Variants in PRTG observed in about 807,000 individuals in gnomAD.
PRTG encodes the protein immunoglobulin superfamily, DCC subclass, member 5.
A neutral mutation model predicts 122.5 loss-of-function variants in PRTG; 67 were observed. The observed-to-expected ratio is 0.55, with a 90% CI of 0.45 to 0.67. The LOEUF (loss-of-function observed/expected upper bound fraction) is 0.67. Among genes scored for constraint, PRTG ranks in the 30% least tolerant of loss-of-function variants. The probability of loss-of-function intolerance (pLI) is 0.00; values close to 1 mark genes in which losing one functional copy is unlikely to be tolerated. For synonymous variants in PRTG, 554 were observed against 501.1 expected (o/e 1.11, Z -1.41); for missense variants, 1,435 against 1,415.4 (o/e 1.01, Z -0.22).
intron 2 of PRTG, among the ~76,000 whole-genome samples, chr15:55,722,472 G>A (rs1255887188): frequency 3.3e-5 from 5 of 152,166 alleles, no homozygotes; most frequent in Non-Finnish European, 7.3e-5. Flanking sequence ...GAATTTTAGT[G>A]TCTACAATGT....
At chr15:55,729,798 G>A (rs1437173487) in intron 2 of PRTG, among the ~76,000 whole-genome samples, 1 of 151,978 alleles carries the variant, frequency 6.6e-6, no homozygotes, top group African/African-American at 2.4e-5. Context: ...TCCATTGGTG[G>A]TTCTTCAAAG....
At chr15:55,709,600 G>A (rs542497297) in intron 2 of PRTG, among the ~76,000 whole-genome samples, 10 of 152,178 alleles carry the variant, frequency 6.6e-5, no homozygotes, top group Non-Finnish European at 1.2e-4. Context: ...ACAGGTTTAT[G>A]TGTAATGGCC....
At chr15:55,742,587 G>C in intron 1 of PRTG, 1 of 455,588 alleles carries the variant, frequency 2.2e-6, no homozygotes, top group Non-Finnish European at 3.9e-6. Context: ...ACGGGCGCGC[G>C]GCGCGGAGGG....
At position 55,618,650 on chromosome 15, in the gene PRTG, T is replaced by C. The variant is rs907604565; in HGVS notation, c.*1362A>G. 3 of 152,166 alleles carry C rather than the reference T, an allele frequency of 2.0e-5. No individual in the cohort carries two copies. The highest frequency in any genetic ancestry group is 4.8e-5 in the African/African-American group (2 of 41,432). The allele number at this position is 152,166 out of a possible 1,614,324, so 9.4% of individuals were successfully genotyped here. ...TGACACTGAAGGAAGATTAAGTAGA[T>C]ACCATATTCTCTAAAGAATTCAAGA... On this transcript the variant is annotated 3_prime_UTR_variant, in exon 20 of 20. Coordinates refer to ENST00000389286, the MANE Select transcript of PRTG (RefSeq NM_173814.6).
At chr15:55,697,068 G>A (rs1477877735) in intron 2 of PRTG, among the ~76,000 whole-genome samples, 4 of 151,968 alleles carry the variant, frequency 2.6e-5, no homozygotes, top group South Asian at 2.1e-4. Context: ...TATTTCATCC[G>A]CTTTGCTCTC....
chr15:55,735,448 T>C (rs1344641952), intron 2 of PRTG, among the ~76,000 whole-genome samples: 2 of 151,856 alleles, frequency 1.3e-5, no homozygotes, highest in African/African-American at 2.4e-5. Context: ...GATTTGTTGC[T>C]TCCTATTATT....
At chr15:55,703,812 C>T (rs775885038) in intron 2 of PRTG, among the ~76,000 whole-genome samples, 3 of 152,196 alleles carry the variant, frequency 2.0e-5, no homozygotes, top group Non-Finnish European at 4.4e-5. Flanking sequence ...ATAATCTAGA[C>T]AGACTTGTGT....
rs2059263176 is a variant in PRTG, at chr15:55,637,285, G to A, written c.2508C>T (p.Ala836=). Residue 836 remains alanine (A), a synonymous_variant, in exon 15 of 20, where the codon GCC becomes GCT. Coordinates refer to ENST00000389286, the MANE Select transcript of PRTG (RefSeq NM_173814.6). ...CATCAGGGGGTTTCCAAGAAACCAG[G>A]GCAGTGTCATCCTCTATTAATGTCA... is the stretch of plus-strand genomic sequence containing the variant. The part of the protein sequence containing the change: ...VKVTLIEDDT[A]LVSWKPPDGP... 2 of 1,613,814 alleles carry A rather than the reference G, an allele frequency of 1.2e-6. No homozygotes were observed. The highest frequency in any genetic ancestry group is 8.5e-7 in the Non-Finnish European group (1 of 1,179,968).
chr15:55,656,476 A>G, intron 11 of PRTG: 1 of 379,508 alleles, frequency 2.6e-6, no homozygotes, highest in Non-Finnish European at 5.1e-6. Flanking sequence ...GAAGAGAAAC[A>G]TGACTTCGAA....
Position 55,614,768 on chromosome 15 carries a change from T to C in PRTG, c.*5244A>G, listed in dbSNP as rs1418821973. ...GCTACAAGTCAAAGTTTTCATGCTT[T>C]TAATCTTTAAAGATCCCCAAGGGGC... is the stretch of plus-strand genomic sequence containing the variant. On this transcript the variant is annotated 3_prime_UTR_variant, in exon 20 of 20. Coordinates refer to ENST00000389286, the MANE Select transcript of PRTG (RefSeq NM_173814.6). 6.6e-6 allele frequency: 1 copy of C among 152,160 alleles called. No individual in the cohort carries two copies. The highest frequency in any genetic ancestry group is 1.9e-4 in the East Asian group (1 of 5,192). The allele number at this position is 152,160 out of a possible 1,614,324, so 9.4% of individuals were successfully genotyped here. A position where few individuals can be genotyped will look rare whatever the true frequency, so the allele number is the denominator to read the frequency against.
intron 4 of PRTG, 21 bp from the exon 5 acceptor site, chr15:55,680,649 A>C: frequency 7.0e-7 from 1 of 1,424,524 alleles, no homozygotes; most frequent in Non-Finnish European, 9.3e-7. Flanking sequence ...GAAAAGACAG[A>C]ATATAAAAAT....
chr15:55,614,006 C>G lies in PRTG; in HGVS notation c.*6006G>C, dbSNP rs192741064. On this transcript the variant is annotated 3_prime_UTR_variant, in exon 20 of 20. Transcript: ENST00000389286. Reference sequence around the variant, plus strand: ...ACTGTAGATGCTCAACAAATGGCATCATATTACTTCCTAGAGTCGGGAGAA... The same window carrying G: ...ACTGTAGATGCTCAACAAATGGCATGATATTACTTCCTAGAGTCGGGAGAA... The G allele has an allele frequency of 6.6e-6, 1 of 152,184 alleles. No homozygotes were observed. The highest frequency in any genetic ancestry group is 1.9e-4 in the East Asian group (1 of 5,184). The allele number at this position is 152,184 out of a possible 1,614,324, so 9.4% of individuals were successfully genotyped here.
At chr15:55,742,375 C>A (rs1251150322) in intron 1 of PRTG, 1 of 155,054 alleles carries the variant, frequency 6.4e-6, no homozygotes, top group Non-Finnish European at 1.4e-5. Flanking sequence ...CGGGAAGCCG[C>A]GAGGAACCGC....
At chr15:55,720,175 T>C (rs1223602412) in intron 2 of PRTG, among the ~76,000 whole-genome samples, 9 of 152,074 alleles carry the variant, frequency 5.9e-5, no homozygotes, top group African/African-American at 2.2e-4. Context: ...GGTCAGGAGT[T>C]TGAGACCAGC....
At chr15:55,656,163 T>C (rs926154292) in intron 11 of PRTG, 13 of 278,200 alleles carry the variant, frequency 4.7e-5, no homozygotes, top group Non-Finnish European at 8.5e-5. Flanking sequence ...ATTTCCAAAA[T>C]TGTCCAATAA....
chr15:55,658,855 C>G (rs867188592), intron 11 of PRTG, among the ~76,000 whole-genome samples: 3 of 152,028 alleles, frequency 2.0e-5, no homozygotes. Flanking sequence ...TGAGTCACTT[C>G]AAATTTTTCT....
chr15:55,705,209 G>T (rs373772740), intron 2 of PRTG, among the ~76,000 whole-genome samples: 1 of 152,130 alleles, frequency 6.6e-6, no homozygotes, highest in Non-Finnish European at 1.5e-5. Flanking sequence ...ATCCACTCAA[G>T]GAGTCCATCA....
Position 55,617,772 on chromosome 15 carries a change from T to C in PRTG, c.*2240A>G, listed in dbSNP as rs183155454. 1.3e-5 allele frequency: 2 copies of C among 152,328 alleles called. No individual in the cohort carries two copies. Among genetic ancestry groups the C allele is most frequent in the African/African-American group, 4.8e-5 (2 of 41,578 alleles). The allele number at this position is 152,328 out of a possible 1,614,324, so 9.4% of individuals were successfully genotyped here. A position where few individuals can be genotyped will look rare whatever the true frequency, so the allele number is the denominator to read the frequency against. On this transcript the variant is annotated 3_prime_UTR_variant, in exon 20 of 20. Coordinates refer to ENST00000389286, the MANE Select transcript of PRTG (RefSeq NM_173814.6). ...TCGAATTCATGTAGTCCTAGACACATCTTCCATAACCATGATGGATGATGT... is the reference window on the plus strand; with the variant it reads ...TCGAATTCATGTAGTCCTAGACACACCTTCCATAACCATGATGGATGATGT...
intron 15 of PRTG, among the ~76,000 whole-genome samples, chr15:55,635,133 C>A (rs891575585): frequency 1.4e-5 from 2 of 145,204 alleles, no homozygotes; most frequent in Non-Finnish European, 3.0e-5. Flanking sequence ...ACTCTATCAC[C>A]CAGGCTGAAG....
Sources: allele counts gnomAD v4.1 joint callset (sites outside exome capture counted in the v4.1 genomes callset), GRCh38; gene constraint gnomAD v4.1.1; transcripts MANE v1.5; gene names NCBI Gene and HGNC (gene_info 2026-07-23, HGNC 2026-07-21).